The following NFKB1 variants were observed in gnomAD, a reference collection of about 807,000 sequenced individuals.
NFKB1 encodes nuclear factor NF-kappa-B p105 subunit.
Under a neutral mutation model 105.1 loss-of-function variants are expected in NFKB1, and 9 were observed. The observed-to-expected ratio is 0.09, with a 90% confidence interval of 0.05 to 0.15. The LOEUF is 0.15. NFKB1 is among the 10% of genes least tolerant of loss of function. The pLI, the probability that NFKB1 is intolerant of heterozygous loss-of-function variation, is 1.00. For synonymous variants in NFKB1, 440 were observed against 442.2 expected (o/e 1.00, Z 0.06); for missense variants, 830 against 1,203.7 (o/e 0.69, Z 4.59).
intron 2 of NFKB1, among the ~76,000 whole-genome samples, chr4:102,528,061 GT>G (rs1741040662): frequency 6.6e-6 from 1 of 152,078 alleles, no homozygotes; most frequent in African/African-American, 2.4e-5. Flanking sequence ...TGTCCTCAGT[GT>G]TTTAGTGGAG....
chr4:102,530,393 G>A (rs906356343), intron 3 of NFKB1, among the ~76,000 whole-genome samples: 4 of 152,058 alleles, frequency 2.6e-5, no homozygotes, highest in Non-Finnish European at 5.9e-5. Flanking sequence ...TGACAAGTTG[G>A]ATAAAACTCA....
At chr4:102,611,930 T>A in intron 20 of NFKB1, 114 bp from the exon 21 acceptor site, 1 of 748,390 alleles carries the variant, frequency 1.3e-6, no homozygotes, top group Non-Finnish European at 2.3e-6. Flanking sequence ...CCTCCATCAT[T>A]AGGGTACCAG....
chr4:102,520,271 T>C (rs1306101253), intron 1 of NFKB1, among the ~76,000 whole-genome samples: 1 of 152,356 alleles, frequency 6.6e-6, no homozygotes, highest in African/African-American at 2.4e-5. Context: ...TTGAGTCTTC[T>C]CAGAATGTCT....
chr4:102,547,200 A>C (rs1433603754), intron 5 of NFKB1, among the ~76,000 whole-genome samples: 1 of 152,246 alleles, frequency 6.6e-6, no homozygotes, highest in Admixed American at 6.5e-5. Context: ...AATAGAAAAC[A>C]GACCAGGCAG....
chr4:102,538,052 C>T lies in NFKB1; in HGVS notation c.258+96C>T, dbSNP rs189593327. 63 of 730,936 alleles carry T rather than the reference C, an allele frequency of 8.6e-5. No individual in the cohort carries two copies. The East Asian group carries it at 1.4e-3, about 16-fold the overall frequency. 45.3% of individuals were successfully genotyped at this position (730,936 alleles called of 1,614,324 possible). The stretch of plus-strand genomic sequence containing the variant: ...GCTTTAAATGAGTACGGGTTGCCTT[C>T]GCTCCTAAGCTGAAGTGTTCACATG... On this transcript the variant is annotated intron_variant, in intron 5 of 23. Transcript: ENST00000226574.
intron 5 of NFKB1, among the ~76,000 whole-genome samples, chr4:102,560,656 A>G (rs72931428): frequency 0.011 from 1,664 of 152,258 alleles, 29 homozygotes; most frequent in African/African-American, 0.038. Context: ...TACCACATTT[A>G]TATTCAGAAG....
Position 102,597,546 on chromosome 4 carries a change from C to G in NFKB1, c.1522C>G (p.Gln508Glu), listed in dbSNP as rs1445140594. 6.2e-7 allele frequency: 1 copy of G among 1,613,176 alleles called. No individual in the cohort carries two copies. Among genetic ancestry groups the G allele is most frequent in the Admixed American group, 1.7e-5 (1 of 59,946 alleles). ...QDNLFLEKAM[Q>E]LAKRHANALF... Reference sequence around the variant, plus strand: ...TAACCTCTTTCTAGAGAAGGCTATGCAGCTTGCAAAGAGGCATGCCAATGC... The same window carrying G: ...TAACCTCTTTCTAGAGAAGGCTATGGAGCTTGCAAAGAGGCATGCCAATGC... Residue 508 changes from glutamine (Q) to glutamate (E), a missense_variant, in exon 15 of 24, where the codon CAG becomes GAG. Gln to Glu is a conservative substitution (Grantham distance 29). This residue lies in a region of NFKB1 where 418 missense variants were observed against 575.3 expected (regional missense o/e 0.73). Transcript: ENST00000226574.
At chr4:102,576,270 C>T (rs1314643544) in intron 6 of NFKB1, among the ~76,000 whole-genome samples, 1 of 152,120 alleles carries the variant, frequency 6.6e-6, no homozygotes, top group African/African-American at 2.4e-5. Context: ...GACTTTAAAT[C>T]CCATTCAGAA....
chr4:102,595,913 A>C (rs1485387402), intron 13 of NFKB1, among the ~76,000 whole-genome samples: 1 of 152,246 alleles, frequency 6.6e-6, no homozygotes, highest in Admixed American at 6.5e-5. Context: ...ATGAGATTTA[A>C]GATTTTAGAA....
intron 5 of NFKB1, among the ~76,000 whole-genome samples, chr4:102,543,539 T>C (rs1004254682): frequency 1.9e-4 from 28 of 151,342 alleles, no homozygotes; most frequent in African/African-American, 6.6e-4. Context: ...TTATGTTGAG[T>C]GGAAGACGTG....
intron 11 of NFKB1, among the ~76,000 whole-genome samples, chr4:102,590,235 C>T (rs958691834): frequency 1.3e-5 from 2 of 152,190 alleles, no homozygotes; most frequent in African/African-American, 4.8e-5. Flanking sequence ...AAAAGATGAA[C>T]TTCCTAAAAT....
At chr4:102,604,247 A>G (rs915357514) in intron 16 of NFKB1, among the ~76,000 whole-genome samples, 4 of 152,200 alleles carry the variant, frequency 2.6e-5, no homozygotes, top group Admixed American at 6.5e-5. Flanking sequence ...AATCCACATT[A>G]TATTAAATGT....
chr4:102,582,819 C>T, intron 9 of NFKB1, 47 bp from the exon 10 acceptor site: 1 of 1,237,724 alleles, frequency 8.1e-7, no homozygotes, highest in Non-Finnish European at 1.2e-6. Context: ...TTTATAAATA[C>T]TATTTACACT....
At chr4:102,594,766 A>G (rs1726468180) in intron 12 of NFKB1, 126 bp from the exon 13 acceptor site, 5 of 574,122 alleles carry the variant, frequency 8.7e-6, no homozygotes, top group Admixed American at 7.9e-5. Flanking sequence ...CAGAAAAACC[A>G]TGTGTGGGCA....
At chr4:102,607,511 A>G in intron 18 of NFKB1, 138 bp from the exon 19 acceptor site, 1 of 1,124,506 alleles carries the variant, frequency 8.9e-7, no homozygotes, top group Non-Finnish European at 1.3e-6. Context: ...CTAACTGGGG[A>G]TTTCTTCAAT....
chr4:102,522,412 G>A (rs1599961), intron 1 of NFKB1, among the ~76,000 whole-genome samples: 61,363 of 152,036 alleles, frequency 0.4, 12,548 homozygotes, highest in Admixed American at 0.47. Context: ...TTAGGCTTTT[G>A]AAACTGTGAT....
intron 1 of NFKB1, among the ~76,000 whole-genome samples, chr4:102,505,917 A>C (rs1223396989): frequency 2.0e-5 from 3 of 152,172 alleles, no homozygotes; most frequent in Non-Finnish European, 4.4e-5. Flanking sequence ...TAAGGAACAA[A>C]AATTACATTA....
In NFKB1 at chr4:102,606,641, G is replaced by A. The variant is rs1433149808; in HGVS notation, c.1898G>A (p.Ser633Asn). The change falls in exon 17 of 24, where the codon AGT (serine) becomes AAT (asparagine). Residue 633 changes from serine to asparagine, a missense_variant. Coordinates refer to ENST00000226574, the MANE Select transcript of NFKB1 (RefSeq NM_003998.4). ...AAAGAAGGACATGATAAAGTTCTCAGTATCTTACTCAAGCACAAAAAGGCA... is the reference window on the plus strand; with the variant it reads ...AAAGAAGGACATGATAAAGTTCTCAATATCTTACTCAAGCACAAAAAGGCA... ...AAKEGHDKVL[S>N]ILLKHKKAAL... 1 of 1,614,194 alleles carries A rather than the reference G, an allele frequency of 6.2e-7. No homozygotes were observed. The highest frequency in any genetic ancestry group is 2.2e-5 in the East Asian group (1 of 44,876).
At chr4:102,536,661 G>C (rs1741657111) in intron 4 of NFKB1, among the ~76,000 whole-genome samples, 1 of 152,108 alleles carries the variant, frequency 6.6e-6, no homozygotes. Flanking sequence ...CTGCATGTTT[G>C]CTGGGGTTCC....
Sources: gnomAD v4.1 joint callset for allele counts (sites outside exome capture counted in the v4.1 genomes callset) on GRCh38, gnomAD v4.1.1 for gene constraint, gnomAD v4.1.1 regional missense constraint, MANE v1.5 for transcripts, NCBI Gene and HGNC (gene_info 2026-07-23, HGNC 2026-07-21) for gene names.